The following ZNF821 variants were observed in gnomAD, a reference collection of about 807,000 sequenced individuals.
ZNF821 encodes zinc finger protein 821.
A neutral mutation model predicts 44.3 loss-of-function variants in ZNF821; 16 were observed. That is an observed-to-expected ratio of 0.36 (90% CI 0.24 to 0.55). The LOEUF is 0.55. ZNF821 is among the 20% of genes least tolerant of loss of function. The pLI is 0.86. For missense variants in ZNF821, 436 were observed against 547.6 expected (o/e 0.80, Z 2.03); for synonymous variants, 204 against 197.6 (o/e 1.03, Z -0.27).
intron 3 of ZNF821, among the ~76,000 whole-genome samples, chr16:71,876,581 C>CT (rs2035841468): frequency 6.6e-6 from 1 of 152,016 alleles, no homozygotes; most frequent in Admixed American, 6.6e-5. Context: ...TAAAATACTT[C>CT]ATTTTTTTCT....
At chr16:71,882,670 C>A (rs62056528) in intron 2 of ZNF821, among the ~76,000 whole-genome samples, 2 of 152,106 alleles carry the variant, frequency 1.3e-5, no homozygotes, top group African/African-American at 4.8e-5. Flanking sequence ...CAGTCCCCTC[C>A]CACACAACGA....
intron 1 of ZNF821, chr16:71,894,273 T>C (rs1364747430): frequency 1.3e-5 from 2 of 152,204 alleles, no homozygotes; most frequent in African/African-American, 4.8e-5. Flanking sequence ...TTTTCCCTTT[T>C]TTTTTTTGAG....
intron 4 of ZNF821, among the ~76,000 whole-genome samples, chr16:71,865,439 G>A (rs2034429063): frequency 6.6e-6 from 1 of 152,092 alleles, no homozygotes; most frequent in South Asian, 2.1e-4. Context: ...ATTTTGCCAT[G>A]AGCCCCCTGC....
exon 1 of ZNF821, chr16:71,894,990 C>A: frequency 1.5e-6 from 1 of 662,726 alleles, no homozygotes; most frequent in Non-Finnish European, 2.6e-6. Context: ...GGCAACCGGA[C>A]GGCTTAAAAG....
intron 3 of ZNF821, among the ~76,000 whole-genome samples, chr16:71,878,622 C>T (rs531266427): frequency 6.6e-6 from 1 of 152,100 alleles, no homozygotes; most frequent in African/African-American, 2.4e-5. Context: ...TAGAAGTTTA[C>T]TATGCAATTA....
intron 4 of ZNF821, 167 bp downstream of exon 4, chr16:71,867,745 T>C (rs17357420): frequency 0.24 from 156,502 of 654,598 alleles, 21,169 homozygotes; most frequent in Middle Eastern, 0.3. Flanking sequence ...TTTTTCTGGA[T>C]AAACACATGC....
At chr16:71,861,400 G>T (rs2033876875) in intron 7 of ZNF821, among the ~76,000 whole-genome samples, 1 of 152,188 alleles carries the variant, frequency 6.6e-6, no homozygotes, top group Non-Finnish European at 1.5e-5. Context: ...GGCAGACTCT[G>T]CACTGTACAC....
rs1165841397 is a variant in ZNF821 at position 71,860,738 on chromosome 16, C to T, written c.585-66G>A. 41 of 1,524,626 alleles carry T rather than the reference C, an allele frequency of 2.7e-5. No homozygotes were observed. Among genetic ancestry groups the T allele is most frequent in the Non-Finnish European group, 3.5e-5 (40 of 1,136,976 alleles). The allele number at this position is 1,524,626 out of a possible 1,614,324, so 94.4% of individuals were successfully genotyped here. A position where few individuals can be genotyped will look rare whatever the true frequency, so the allele number is the denominator to read the frequency against. ...GCAAGAGTCGGGACTCCAGCCCTGC[C>T]TTATTCTTTTCCTATGAGGCCAGTG... is the stretch of plus-strand genomic sequence containing the variant. On this transcript the variant is annotated intron_variant, in intron 7 of 7. Transcript: ENST00000425432. This position sits in a 1 kb window ranked among gnomAD's most constrained non-coding sequence, Gnocchi z 7.3.
At position 71,860,336 on chromosome 16, in the gene ZNF821, C is replaced by T. The variant is rs149897603; in HGVS notation, c.921G>A (p.Gln307=). The T allele has an allele frequency of 4.6e-4, 742 of 1,612,048 alleles. No homozygotes were observed. The highest frequency in any genetic ancestry group is 5.7e-4 in the Non-Finnish European group (677 of 1,180,016). The change falls in exon 8 of 8, where the codon CAG becomes CAA. Residue 307 remains glutamine (Q), a synonymous_variant. Coordinates refer to ENST00000425432, the MANE Select transcript of ZNF821 (RefSeq NM_001201552.2). This position sits in a 1 kb window ranked among gnomAD's most constrained non-coding sequence, Gnocchi z 7.3. ...GCTGCTCGTCTGTCTCCTGCATGCGCTGCAAGCGCTTGGCTTCACGGTCCC... is the reference window on the plus strand; with the variant it reads ...GCTGCTCGTCTGTCTCCTGCATGCGTTGCAAGCGCTTGGCTTCACGGTCCC... ...RMRDREAKRL[Q]RMQETDEQRA... is the part of the protein sequence containing the mutation.
At chr16:71,876,004 C>A (rs1471521814) in intron 3 of ZNF821, among the ~76,000 whole-genome samples, 3 of 152,222 alleles carry the variant, frequency 2.0e-5, no homozygotes, top group Non-Finnish European at 4.4e-5. Flanking sequence ...ATTGGCCACA[C>A]AAGCCTGAAG....
At chr16:71,892,398 C>G (rs937978793) in intron 1 of ZNF821, among the ~76,000 whole-genome samples, 3 of 149,200 alleles carry the variant, frequency 2.0e-5, no homozygotes, top group African/African-American at 7.4e-5. Context: ...TCCCCAGTAG[C>G]TGGGACTACA....
Position 71,859,931 on chromosome 16 carries a change from T to G in ZNF821, c.*87A>C, listed in dbSNP as rs1304610862. 1 of 1,352,684 alleles carries G rather than the reference T, an allele frequency of 7.4e-7. No individual in the cohort carries two copies. The highest frequency in any genetic ancestry group is 9.6e-7 in the Non-Finnish European group (1 of 1,041,226). 83.8% of individuals were successfully genotyped at this position (1,352,684 alleles called of 1,614,324 possible). A position where few individuals can be genotyped will look rare whatever the true frequency, so the allele number is the denominator to read the frequency against. ...CTCTGGCAGCAAGGACAGGGCCTCGTGGGTGGCAGCAGCACTGGTCCTCGT... is the reference window on the plus strand; with the variant it reads ...CTCTGGCAGCAAGGACAGGGCCTCGGGGGTGGCAGCAGCACTGGTCCTCGT... On this transcript the variant is annotated 3_prime_UTR_variant, in exon 8 of 8. Coordinates refer to ENST00000425432, the MANE Select transcript of ZNF821 (RefSeq NM_001201552.2).
chr16:71,860,471 T>A lies in ZNF821; in HGVS notation c.786A>T (p.Arg262=), dbSNP rs1199390974. Residue 262 remains arginine (R), a synonymous_variant, in exon 8 of 8, where the codon CGA becomes CGT. Transcript: ENST00000425432. The surrounding 1 kb of genome is among the most constrained non-coding windows in gnomAD (Gnocchi z 7.3). ...TPSVRKWALR[R]QNEPLEVRLQ... ...GCCGTACTTCCAAAGGCTCATTCTG[T>A]CGACGTAGAGCCCACTTGCGTACAC... is the stretch of plus-strand genomic sequence containing the variant. 4.3e-6 allele frequency: 7 copies of A among 1,614,134 alleles called. No homozygotes were observed. The East Asian group carries it at 1.6e-4, about 36-fold the overall frequency.
chr16:71,869,032 T>C (rs1025087425), intron 3 of ZNF821, among the ~76,000 whole-genome samples: 4 of 152,192 alleles, frequency 2.6e-5, no homozygotes, highest in African/African-American at 9.7e-5. Flanking sequence ...TTACTTCTCA[T>C]GAACTCTGCT....
chr16:71,875,515 G>A (rs2035709659), intron 3 of ZNF821, among the ~76,000 whole-genome samples: 1 of 150,034 alleles, frequency 6.7e-6, no homozygotes, highest in Admixed American at 6.7e-5. Context: ...GCGCAGTGGT[G>A]CGATCTCGGC....
chr16:71,872,562 G>A (rs1490214529), intron 3 of ZNF821, among the ~76,000 whole-genome samples: 5 of 152,110 alleles, frequency 3.3e-5, no homozygotes, highest in Admixed American at 6.5e-5. Flanking sequence ...GCAGTGAGCC[G>A]AGATCACGCC....
intron 4 of ZNF821, among the ~76,000 whole-genome samples, chr16:71,865,267 T>C (rs1473563301): frequency 6.6e-6 from 1 of 152,202 alleles, no homozygotes; most frequent in Non-Finnish European, 1.5e-5. Flanking sequence ...GAAGCAAAAC[T>C]GCATTGGAAA....
At chr16:71,886,591 C>T (rs2036855224), upstream of ZNF821, among the ~76,000 whole-genome samples, 1 of 152,088 alleles carries the variant, frequency 6.6e-6, no homozygotes, top group African/African-American at 2.4e-5. Context: ...CTACAATGAC[C>T]TTGTTAGGGC....
chr16:71,884,246 C>G (rs897687047), upstream of ZNF821: 1 of 152,022 alleles, frequency 6.6e-6, no homozygotes, highest in African/African-American at 2.4e-5. Flanking sequence ...GCCAGGTCCC[C>G]TTCCCCGCGG....
Sources: gnomAD v4.1 joint callset for allele counts (sites outside exome capture counted in the v4.1 genomes callset) on GRCh38, gnomAD v4.1.1 for gene constraint, Gnocchi (gnomAD v3.1) non-coding constraint, MANE v1.5 for transcripts, NCBI Gene and HGNC (gene_info 2026-07-23, HGNC 2026-07-21) for gene names.